Variants in RANBP2 observed in about 807,000 individuals in gnomAD.
RANBP2 encodes the protein RAN binding protein 2, also known as E3 SUMO-protein ligase RanBP2.
In RANBP2, 57 loss-of-function variants were observed where a neutral mutation model predicts 303.6. That is an observed-to-expected ratio of 0.19 (90% CI 0.15 to 0.23). The LOEUF is 0.23. Ranked by LOEUF, RANBP2 falls within the 10% of genes least tolerant of loss-of-function variation. RANBP2 has a pLI of 1.00. For synonymous variants in RANBP2, 1,167 were observed against 1,301.5 expected, an observed-to-expected ratio of 0.90 and a Z score of 2.23; for missense variants, 3,138 against 3,780.8, an observed-to-expected ratio of 0.83 and a Z score of 4.46.
the RANBP2 span, chr2:109,613,761 A>AGCGCGGGGCTGGGGC: frequency 8.4e-7 from 1 of 1,194,618 alleles, no homozygotes; most frequent in Non-Finnish European, 1.0e-6. Context: ...GGGGCCGGGG[A>AGCGCGGGGCTGGGGC]GCGCGGGGCT....
chr2:109,387,860 G>C, the RANBP2 span, among the ~76,000 whole-genome samples: 35 of 87,646 alleles, frequency 4.0e-4, no homozygotes, highest in African/African-American at 1.6e-3. Flanking sequence ...CAGATGGTTG[G>C]GGGGGGGGTC....
chr2:109,152,730 G>C, the RANBP2 span, among the ~76,000 whole-genome samples: 11 of 152,172 alleles, frequency 7.2e-5, no homozygotes, highest in Non-Finnish European at 1.5e-4. Flanking sequence ...GTTCCAACTT[G>C]AGTAGGCATG....
At chr2:109,559,237 C>G in the RANBP2 span, among the ~76,000 whole-genome samples, 3 of 152,138 alleles carry the variant, frequency 2.0e-5, no homozygotes. Context: ...ATACATCAGA[C>G]TATAATGAGC....
the RANBP2 span, among the ~76,000 whole-genome samples, chr2:109,309,474 A>G: frequency 2.5e-4 from 33 of 129,522 alleles, 8 homozygotes; most frequent in Middle Eastern, 3.8e-3. Flanking sequence ...TAACATCATA[A>G]TGACAGGATC....
At chr2:109,017,830 G>T in the RANBP2 span, among the ~76,000 whole-genome samples, 3 of 152,140 alleles carry the variant, frequency 2.0e-5, no homozygotes, top group African/African-American at 7.2e-5. Flanking sequence ...GACCATGTAG[G>T]CTGGAAGGGG....
intron 4 of RANBP2, 46 bp from the exon 5 acceptor site, chr2:108,735,486 T>G (rs1558880645): frequency 6.3e-7 from 1 of 1,597,082 alleles, no homozygotes; most frequent in Non-Finnish European, 8.5e-7. Context: ...TGTTTAAAAT[T>G]GCACAAGTGT....
At chr2:108,916,311 G>T in the RANBP2 span, among the ~76,000 whole-genome samples, 3 of 152,196 alleles carry the variant, frequency 2.0e-5, no homozygotes, top group Non-Finnish European at 2.9e-5. Context: ...GTCCCTTCCT[G>T]TCGGGGCTCG....
At chr2:108,844,411 G>A in the RANBP2 span, among the ~76,000 whole-genome samples, 2 of 87,320 alleles carry the variant, frequency 2.3e-5, no homozygotes, top group African/African-American at 5.1e-5. Context: ...CTTTTTCTAT[G>A]TCTTCTTTGG....
chr2:109,063,225 C>T, the RANBP2 span, among the ~76,000 whole-genome samples: 7 of 152,102 alleles, frequency 4.6e-5, no homozygotes, highest in Non-Finnish European at 1.0e-4. Context: ...CTTGTATATC[C>T]CCGGGGGCTG....
At chr2:109,193,198 C>T in the RANBP2 span, among the ~76,000 whole-genome samples, 1 of 152,240 alleles carries the variant, frequency 6.6e-6, no homozygotes. Context: ...GGCAAATTGT[C>T]TGCCCTTCCT....
chr2:109,479,675 A>G, the RANBP2 span, among the ~76,000 whole-genome samples: 5 of 152,126 alleles, frequency 3.3e-5, no homozygotes, highest in Non-Finnish European at 7.3e-5. Flanking sequence ...TTGTCTCCTC[A>G]TTTTTAAAAA....
the RANBP2 span, among the ~76,000 whole-genome samples, chr2:108,911,303 C>T: frequency 2.6e-5 from 4 of 152,202 alleles, no homozygotes; most frequent in African/African-American, 9.7e-5. Flanking sequence ...CCTCTCCAGA[C>T]TTCTCTGGGG....
chr2:108,725,053 T>A (rs1369120182), intron 1 of RANBP2, among the ~76,000 whole-genome samples: 2 of 152,230 alleles, frequency 1.3e-5, no homozygotes, highest in African/African-American at 2.4e-5. Context: ...TCTATCTTAC[T>A]GTGCAAGATA....
the RANBP2 span, among the ~76,000 whole-genome samples, chr2:109,254,604 T>A: frequency 6.6e-6 from 1 of 152,200 alleles, no homozygotes; most frequent in African/African-American, 2.4e-5. Context: ...ACTATTCCCA[T>A]GACCCCGTGA....
chr2:108,929,096 C>T, the RANBP2 span: 1 of 1,353,508 alleles, frequency 7.4e-7, no homozygotes, highest in Non-Finnish European at 1.0e-6. Flanking sequence ...TGCACCGAGG[C>T]CTGCAGTATC....
the RANBP2 span, among the ~76,000 whole-genome samples, chr2:109,185,615 C>A: frequency 3.9e-5 from 6 of 152,082 alleles, no homozygotes; most frequent in African/African-American, 1.4e-4. Context: ...GGCAGAGAAG[C>A]CGGAGCCAAG....
the RANBP2 span, among the ~76,000 whole-genome samples, chr2:109,728,406 G>A: frequency 9.7e-4 from 148 of 151,840 alleles, 1 homozygote; most frequent in East Asian, 3.1e-3. Context: ...TAACTGACAC[G>A]GATACTACTA....
At chr2:109,732,888 G>C in the RANBP2 span, 1 of 1,002,006 alleles carries the variant, frequency 1.0e-6, no homozygotes, top group South Asian at 1.3e-5. Flanking sequence ...GGTGTGGTCT[G>C]AGAACTAGAT....
the RANBP2 span, among the ~76,000 whole-genome samples, chr2:109,360,729 A>G: frequency 1.1e-4 from 17 of 152,212 alleles, no homozygotes; most frequent in African/African-American, 3.6e-4. Flanking sequence ...TGGTTCTTTC[A>G]GATTTTCTAA....
Sources: allele counts gnomAD v4.1 joint callset (sites outside exome capture counted in the v4.1 genomes callset), GRCh38; gene constraint gnomAD v4.1.1; transcripts MANE v1.5; gene names NCBI Gene and HGNC (gene_info 2026-07-23, HGNC 2026-07-21).